The following ADRA1D variants were observed in gnomAD, a reference collection of about 807,000 sequenced individuals.
The protein encoded by ADRA1D is adrenoceptor alpha 1D, also known as alpha-1D adrenergic receptor.
Under a neutral mutation model 18.6 loss-of-function variants are expected in ADRA1D, and 22 were observed. The ratio of observed to expected loss-of-function variants is 1.19; its 90% CI spans 0.85 to 1.69. ADRA1D has a LOEUF of 1.69. Ranked by LOEUF, ADRA1D falls within the 40% of genes most tolerant of loss-of-function variation. ADRA1D has a pLI of 0.00. For missense variants in ADRA1D, 840 were observed against 840.7 expected (o/e 1.00, Z 0.01); for synonymous variants, 376 against 388.2 (o/e 0.97, Z 0.37).
intron 1 of ADRA1D, among the ~76,000 whole-genome samples, chr20:4,238,110 G>C (rs969220039): frequency 6.6e-6 from 1 of 151,342 alleles, no homozygotes; most frequent in Non-Finnish European, 1.5e-5. Flanking sequence ...AAAATTAGCC[G>C]GGCGTGGTGG....
At chr20:4,247,696 T>C in intron 1 of ADRA1D, 151 bp downstream of exon 1, 1 of 848,752 alleles carries the variant, frequency 1.2e-6, no homozygotes, top group Non-Finnish European at 1.7e-6. Context: ...CTCCACAAAA[T>C]GGTGCATGCA....
At chr20:4,228,642 CCTT>C (rs1437382530) in intron 1 of ADRA1D, among the ~76,000 whole-genome samples, 1 of 152,252 alleles carries the variant, frequency 6.6e-6, no homozygotes, top group Non-Finnish European at 1.5e-5. Flanking sequence ...GCAGCCTGCC[CCTT>C]CTTCTCCAGA....
At chr20:4,232,138 T>C (rs1263729265) in intron 1 of ADRA1D, among the ~76,000 whole-genome samples, 1 of 152,162 alleles carries the variant, frequency 6.6e-6, no homozygotes, top group Non-Finnish European at 1.5e-5. Context: ...GGTCTTAAAC[T>C]CCTGACCTCA....
Position 4,222,254 on chromosome 20 carries a change from A to G in ADRA1D, c.1112-124T>C. On this transcript the variant is annotated intron_variant, in intron 1 of 1. Transcript: ENST00000379453. The surrounding 1 kb of genome is among the most constrained non-coding windows in gnomAD (Gnocchi z 4.3). Reference sequence around the variant, plus strand: ...GTCATTGACTAGGAGTTCTCAAGGGATCCGTGCTGTAAATCAGGAGGTCCA... The same window carrying G: ...GTCATTGACTAGGAGTTCTCAAGGGGTCCGTGCTGTAAATCAGGAGGTCCA... The G allele has an allele frequency of 1.5e-6, 2 of 1,354,854 alleles. No homozygotes were observed. The highest frequency in any genetic ancestry group is 2.0e-6 in the Non-Finnish European group (2 of 1,024,508). The allele number at this position is 1,354,854 out of a possible 1,614,324, so 83.9% of individuals were successfully genotyped here.
intron 1 of ADRA1D, among the ~76,000 whole-genome samples, chr20:4,234,471 G>T (rs537468010): frequency 6.6e-6 from 1 of 152,262 alleles, no homozygotes; most frequent in East Asian, 1.9e-4. Context: ...CCTCCACTGG[G>T]ACTTTTCTAT....
rs754417474 is a variant in ADRA1D at position 4,222,081 on chromosome 20, G to A, written c.1161C>T (p.Ile387=). 3.7e-6 allele frequency: 6 copies of A among 1,613,088 alleles called. No homozygotes were observed. Among genetic ancestry groups the A allele is most frequent in the Non-Finnish European group, 5.1e-6 (6 of 1,179,616 alleles). Residue 387 remains isoleucine (I), a synonymous_variant, in exon 2 of 2, where the codon ATC becomes ATT. Transcript: ENST00000379453. This position sits in a 1 kb window ranked among gnomAD's most constrained non-coding sequence, Gnocchi z 4.3. The part of the protein sequence containing the change: ...LKPSEGVFKV[I]FWLGYFNSCV... ...AGCTGTTGAAGTAGCCGAGCCAGAA[G>A]ATGACCTTGAAGACGCCCTCCGATG...
In ADRA1D at chr20:4,248,063, C is replaced by CCT; in HGVS notation, c.893_894dup (p.Ala299ArgfsTer80). 1 of 1,550,668 alleles carries CCT rather than the reference C, an allele frequency of 6.4e-7. No homozygotes were observed. The highest frequency in any genetic ancestry group is 8.7e-7 in the Non-Finnish European group (1 of 1,147,444). On this transcript the variant is annotated frameshift_variant, in exon 1 of 2. Coordinates refer to ENST00000379453, the MANE Select transcript of ADRA1D (RefSeq NM_000678.4). LOFTEE classifies it high-confidence loss of function. Reference sequence around the variant, plus strand: ...TGGATGCGCAGCACCACCTCGGAGGCCTTGCCTCGCTCGCGCTTGACGCCC... The same window carrying CCT: ...TGGATGCGCAGCACCACCTCGGAGGCCTCTTGCCTCGCTCGCGCTTGACGCCC...
Position 4,249,127 on chromosome 20 carries a change from G to A in ADRA1D, c.-170C>T. 1 of 455,876 alleles carries A rather than the reference G, an allele frequency of 2.2e-6. No homozygotes were observed. The highest frequency in any genetic ancestry group is 3.0e-6 in the Non-Finnish European group (1 of 331,396). The allele number at this position is 455,876 out of a possible 1,614,324, so 28.2% of individuals were successfully genotyped here. On this transcript the variant is annotated 5_prime_UTR_variant, in exon 1 of 2. Transcript: ENST00000379453. The stretch of plus-strand genomic sequence containing the variant: ...AGCGCGGCTGTCCGAGAGCGGAGCT[G>A]CCTGGCCCGGGCGGCGGCCGGGCTC...
rs761228509 is a variant in ADRA1D, at chr20:4,221,564, C to A, written c.1678G>T (p.Glu560Ter). The change falls in exon 2 of 2, where the codon GAA becomes TAA. Residue 560 changes from glutamate to a stop codon, truncating the protein, a stop_gained. Transcript: ENST00000379453. LOFTEE classifies it high-confidence loss of function. ...VAEGATCQAY[E>*]LADYSNLRET... ...CGTAGGTTGCTGTAGTCGGCCAATT[C>A]GTAGGCCTGGCAGGTGGCGCCCTCG... is the stretch of plus-strand genomic sequence containing the variant. The A allele has an allele frequency of 6.2e-7, 1 of 1,612,450 alleles. No homozygotes were observed. The highest frequency in any genetic ancestry group is 1.7e-5 in the Admixed American group (1 of 59,942).
intron 1 of ADRA1D, among the ~76,000 whole-genome samples, chr20:4,240,407 CTTT>C (rs57205653): frequency 0.21 from 30,191 of 142,620 alleles, 3,043 homozygotes; most frequent in Middle Eastern, 0.31. Context: ...GGATTGTGGG[CTTT>C]TTTTTTTTTT....
Position 4,222,201 on chromosome 20 carries a change from G to T in ADRA1D, c.1112-71C>A, listed in dbSNP as rs1001674314. ...GAGGCCAGGCGGCTCTGGGCGCAAA[G>T]GGGAGACCCTTCAGTAGCCTTGGCT... On this transcript the variant is annotated intron_variant, in intron 1 of 1. Coordinates refer to ENST00000379453, the MANE Select transcript of ADRA1D (RefSeq NM_000678.4). The surrounding 1 kb of genome is among the most constrained non-coding windows in gnomAD (Gnocchi z 4.3). 4 of 1,553,704 alleles carry T rather than the reference G, an allele frequency of 2.6e-6. No individual in the cohort carries two copies. The highest frequency in any genetic ancestry group is 3.5e-6 in the Non-Finnish European group (4 of 1,150,840).
At chr20:4,238,530 A>G (rs1981148393) in intron 1 of ADRA1D, among the ~76,000 whole-genome samples, 1 of 152,088 alleles carries the variant, frequency 6.6e-6, no homozygotes, top group African/African-American at 2.4e-5. Flanking sequence ...GCTCCTTAGA[A>G]AGGAAAAAGG....
intron 1 of ADRA1D, among the ~76,000 whole-genome samples, chr20:4,243,050 C>T (rs1200624526): frequency 1.3e-5 from 2 of 152,136 alleles, no homozygotes; most frequent in Non-Finnish European, 2.9e-5. Flanking sequence ...CAGTTGGGTG[C>T]TTGCCTGGGG....
intron 1 of ADRA1D, among the ~76,000 whole-genome samples, chr20:4,228,130 C>G (rs1443210580): frequency 6.6e-6 from 1 of 152,188 alleles, no homozygotes; most frequent in African/African-American, 2.4e-5. Context: ...TCCTCCTTCT[C>G]TGCTTAGCTG....
At chr20:4,245,364 A>T (rs1301053621) in intron 1 of ADRA1D, among the ~76,000 whole-genome samples, 2 of 152,228 alleles carry the variant, frequency 1.3e-5, no homozygotes, top group African/African-American at 4.8e-5. Context: ...ATTATTATGG[A>T]TACAGATGTT....
chr20:4,240,109 G>A lies in ADRA1D; in HGVS notation c.1111+7738C>T, dbSNP rs78435054. On this transcript the variant is annotated intron_variant, in intron 1 of 1. Coordinates refer to ENST00000379453, the MANE Select transcript of ADRA1D (RefSeq NM_000678.4). Reference sequence around the variant, plus strand: ...TCCAGGCCAAATCTGCACCCAGGAAGTACAGGGAACAGAGGGACACATTAA... The same window carrying A: ...TCCAGGCCAAATCTGCACCCAGGAAATACAGGGAACAGAGGGACACATTAA... Among the ~76,000 whole-genome samples the A allele has an allele frequency of 3.1e-3, 471 of 152,262 alleles. 3 individuals carry two copies. The highest frequency in any genetic ancestry group is 0.011 in the African/African-American group (457 of 41,532).
Position 4,248,574 on chromosome 20 carries a change from C to T in ADRA1D, c.384G>A (p.Gln128=), listed in dbSNP as rs1383446058. The T allele has an allele frequency of 2.5e-6, 4 of 1,613,852 alleles. No individual in the cohort carries two copies. The highest frequency in any genetic ancestry group is 3.4e-6 in the Non-Finnish European group (4 of 1,179,960). The change falls in exon 1 of 2, where the codon CAG becomes CAA. Residue 128 remains glutamine (Q), a synonymous_variant. Coordinates refer to ENST00000379453, the MANE Select transcript of ADRA1D (RefSeq NM_000678.4). The stretch of plus-strand genomic sequence containing the variant: ...TCACGATGAAATAGTTGGTGACGGT[C>T]TGCAGGTGGCGGTTGCAGGCCACTG... The part of the protein sequence containing the change: ...ILSVACNRHL[Q]TVTNYFIVNL...
intron 1 of ADRA1D, among the ~76,000 whole-genome samples, chr20:4,245,780 C>T (rs982406466): frequency 6.6e-5 from 10 of 152,004 alleles, no homozygotes; most frequent in African/African-American, 2.2e-4. Context: ...GGGGCTGGGG[C>T]GATGGGCCTG....
At chr20:4,227,684 C>T (rs182132281) in intron 1 of ADRA1D, among the ~76,000 whole-genome samples, 4 of 62,226 alleles carry the variant, frequency 6.4e-5, no homozygotes, top group Admixed American at 1.5e-4. Context: ...CCTTCCTTCC[C>T]TCTCTCCCTC....
Sources: gnomAD v4.1 joint callset for allele counts (sites outside exome capture counted in the v4.1 genomes callset) on GRCh38, gnomAD v4.1.1 for gene constraint, Gnocchi (gnomAD v3.1) non-coding constraint, MANE v1.5 for transcripts, NCBI Gene and HGNC (gene_info 2026-07-23, HGNC 2026-07-21) for gene names.